The following BTBD16 variants were observed in gnomAD, a reference collection of about 807,000 sequenced individuals.
BTBD16 encodes BTB/POZ domain-containing protein 16.
BTBD16 carries 66 observed loss-of-function variants against 67.4 expected under a neutral mutation model. That is an observed-to-expected ratio of 0.98 (90% CI 0.80 to 1.20). The LOEUF (loss-of-function observed/expected upper bound fraction) is 1.20, where lower values mean the gene tolerates loss of function less well. BTBD16 is among the 50% of genes most tolerant of loss of function. The probability of loss-of-function intolerance (pLI) is 0.00; values close to 1 mark genes in which losing one functional copy is unlikely to be tolerated. For missense variants in BTBD16, 634 were observed against 616.0 expected (o/e 1.03, Z -0.31); for synonymous variants, 242 against 236.4 (o/e 1.02, Z -0.22).
chr10:122,289,179 C>CT (rs1350257912), intron 5 of BTBD16, among the ~76,000 whole-genome samples: 1 of 152,156 alleles, frequency 6.6e-6, no homozygotes, highest in Non-Finnish European at 1.5e-5. Flanking sequence ...CTCCCACTGC[C>CT]TGCCTGCACT....
At chr10:122,300,568 A>G (rs1333310704) in intron 9 of BTBD16, among the ~76,000 whole-genome samples, 1 of 152,202 alleles carries the variant, frequency 6.6e-6, no homozygotes, top group Non-Finnish European at 1.5e-5. Flanking sequence ...TTATTTCCTA[A>G]GAAAAAGAAT....
chr10:122,336,322 A>G (rs3817279), intron 14 of BTBD16, among the ~76,000 whole-genome samples, 172 bp from the exon 15 acceptor site: 55,812 of 152,080 alleles, frequency 0.37, 10,711 homozygotes, highest in East Asian at 0.69. Context: ...TGGGGGCTCC[A>G]ATGACAACTG....
At chr10:122,333,760 A>ATT (rs145893284) in intron 13 of BTBD16, among the ~76,000 whole-genome samples, 21 of 150,162 alleles carry the variant, frequency 1.4e-4, no homozygotes, top group African/African-American at 3.9e-4. Flanking sequence ...TTGCTTTGTA[A>ATT]TTTTTTTTTT....
chr10:122,287,068 G>T (rs1479296479), intron 5 of BTBD16, among the ~76,000 whole-genome samples: 1 of 152,144 alleles, frequency 6.6e-6, no homozygotes, highest in African/African-American at 2.4e-5. Flanking sequence ...CCCCCTCCCT[G>T]AGCCTGAGCC....
chr10:122,300,540 C>T (rs1242508860), intron 9 of BTBD16, among the ~76,000 whole-genome samples: 1 of 152,110 alleles, frequency 6.6e-6, no homozygotes, highest in African/African-American at 2.4e-5. Context: ...AGTTCCTTTA[C>T]TCCACATGCT....
intron 10 of BTBD16, among the ~76,000 whole-genome samples, chr10:122,323,050 T>C (rs1322329): frequency 0.026 from 3,963 of 152,340 alleles, 174 homozygotes; most frequent in African/African-American, 0.09. Context: ...AGCTGTTGAC[T>C]AAGTACTGAA....
chr10:122,290,070 A>C (rs938360908), intron 6 of BTBD16, 72 bp downstream of exon 6: 1 of 1,088,538 alleles, frequency 9.2e-7, no homozygotes, highest in Non-Finnish European at 1.4e-6. Context: ...AAAATGCACA[A>C]GCAACAACAA....
At chr10:122,318,786 A>C (rs1312368328) in intron 10 of BTBD16, among the ~76,000 whole-genome samples, 1 of 152,170 alleles carries the variant, frequency 6.6e-6, no homozygotes, top group African/African-American at 2.4e-5. Flanking sequence ...GGGTTTTGCC[A>C]TGGTGGCCAG....
At chr10:122,305,149 T>G (rs1437084392) in intron 9 of BTBD16, among the ~76,000 whole-genome samples, 3 of 152,224 alleles carry the variant, frequency 2.0e-5, no homozygotes, top group Non-Finnish European at 2.9e-5. Flanking sequence ...CAGCTGATTC[T>G]TTTCTTTCTT....
chr10:122,284,000 G>T, intron 4 of BTBD16, 76 bp downstream of exon 4: 1 of 1,106,216 alleles, frequency 9.0e-7, no homozygotes, highest in South Asian at 1.3e-5. Flanking sequence ...TATGGAAGGA[G>T]ACCAGTCCAT....
At chr10:122,335,869 T>A (rs2096462552) in intron 14 of BTBD16, among the ~76,000 whole-genome samples, 1 of 152,194 alleles carries the variant, frequency 6.6e-6, no homozygotes, top group Non-Finnish European at 1.5e-5. Context: ...TTTATTTTTT[T>A]ATTTTTCTAT....
At chr10:122,326,917 T>C (rs1038301582) in intron 10 of BTBD16, among the ~76,000 whole-genome samples, 1 of 152,184 alleles carries the variant, frequency 6.6e-6, no homozygotes. Context: ...AGTCTTTGAG[T>C]CCACCAGTGT....
intron 10 of BTBD16, among the ~76,000 whole-genome samples, chr10:122,318,065 A>C (rs549645646): frequency 3.9e-5 from 6 of 152,266 alleles, no homozygotes; most frequent in Non-Finnish European, 8.8e-5. Context: ...ACCACACCAC[A>C]AACACATGTG....
intron 13 of BTBD16, among the ~76,000 whole-genome samples, chr10:122,334,115 T>C (rs553155169): frequency 7.4e-4 from 112 of 152,276 alleles, no homozygotes; most frequent in Middle Eastern, 3.4e-3. Context: ...ATTGCCATTG[T>C]ATTTTCACTT....
chr10:122,277,075 A>T, intron 3 of BTBD16, 136 bp downstream of exon 3: 3 of 1,006,770 alleles, frequency 3.0e-6, no homozygotes, highest in Non-Finnish European at 4.3e-6. Context: ...CTCTGGAGCC[A>T]GCTCTCAGGC....
intron 12 of BTBD16, 193 bp from the exon 13 acceptor site, chr10:122,332,243 C>T: frequency 3.5e-6 from 2 of 575,132 alleles, no homozygotes; most frequent in Non-Finnish European, 3.1e-6. Flanking sequence ...GAGCACTGGA[C>T]ACAGTGCCAG....
Position 122,305,089 on chromosome 10 carries a change from G to T in BTBD16, c.792-2100G>T, listed in dbSNP as rs564784311. On this transcript the variant is annotated intron_variant, in intron 9 of 15. Transcript: ENST00000260723. ...TGGCTGGAACCTGTGAATATGTTGGGTTGTATGGCAAAGGAAACTAAGGCT... is the reference window on the plus strand; with the variant it reads ...TGGCTGGAACCTGTGAATATGTTGGTTTGTATGGCAAAGGAAACTAAGGCT... Among the ~76,000 whole-genome samples, 162 of 152,332 alleles carry T rather than the reference G, an allele frequency of 1.1e-3. 2 individuals are homozygous for T. Among genetic ancestry groups the T allele is most frequent in the African/African-American group, 3.6e-3 (151 of 41,576 alleles).
At chr10:122,294,915 A>G (rs1251359391) in intron 7 of BTBD16, among the ~76,000 whole-genome samples, 2 of 152,204 alleles carry the variant, frequency 1.3e-5, no homozygotes, top group Admixed American at 1.3e-4. Flanking sequence ...GTAGGTTTCG[A>G]CAGACAAAAG....
chr10:122,307,630 T>TA lies in BTBD16; in HGVS notation c.911+333dup, dbSNP rs879478833. Among the ~76,000 whole-genome samples, 1,087 of 147,542 alleles carry TA rather than the reference T, an allele frequency of 7.4e-3. 6 individuals are homozygous for TA. The highest frequency in any genetic ancestry group is 0.021 in the South Asian group (97 of 4,648). Reference sequence around the variant, plus strand: ...ACTACCCTGGCCTTTAAAACTTCATTAAAAAAAAAAATCAGCTTTCTTAGG... The same window carrying TA: ...ACTACCCTGGCCTTTAAAACTTCATTAAAAAAAAAAAATCAGCTTTCTTAGG... On this transcript the variant is annotated intron_variant, in intron 10 of 15. Coordinates refer to ENST00000260723, the MANE Select transcript of BTBD16 (RefSeq NM_144587.5).
Sources: allele counts gnomAD v4.1 joint callset (sites outside exome capture counted in the v4.1 genomes callset), GRCh38; gene constraint gnomAD v4.1.1; transcripts MANE v1.5; gene names NCBI Gene and HGNC (gene_info 2026-07-23, HGNC 2026-07-21).